Variants in CRK observed in about 807,000 individuals in gnomAD.
The protein encoded by CRK is adapter molecule crk.
In CRK, 4 loss-of-function variants were observed where a neutral mutation model predicts 29.8. The observed-to-expected ratio is 0.13, with a 90% CI of 0.07 to 0.31. The LOEUF is 0.31. Among genes scored for constraint, CRK ranks in the 10% least tolerant of loss-of-function variants. The pLI, the probability that CRK is intolerant of heterozygous loss-of-function variation, is 1.00. For missense variants in CRK, 274 were observed against 396.5 expected (o/e 0.69, Z 2.62); for synonymous variants, 153 against 164.9 (o/e 0.93, Z 0.55).
intron 1 of CRK, among the ~76,000 whole-genome samples, chr17:1,450,023 A>AC (rs1311526387): frequency 3.3e-5 from 5 of 151,644 alleles, no homozygotes; most frequent in African/African-American, 1.2e-4. Flanking sequence ...ACATGGTGAA[A>AC]CCCCCATCTC....
At chr17:1,447,631 C>T (rs1465587908) in intron 1 of CRK, among the ~76,000 whole-genome samples, 1 of 122,714 alleles carries the variant, frequency 8.1e-6, no homozygotes, top group South Asian at 2.7e-4. Context: ...TTTTTTGAGA[C>T]GGAGTCTCCC....
At chr17:1,447,258 G>A (rs1041652188) in intron 1 of CRK, among the ~76,000 whole-genome samples, 1 of 152,154 alleles carries the variant, frequency 6.6e-6, no homozygotes, top group African/African-American at 2.4e-5. Flanking sequence ...CAGAAGCAAC[G>A]ACAGGATTCT....
chr17:1,446,362 C>G (rs907176155), intron 1 of CRK, among the ~76,000 whole-genome samples: 1 of 152,132 alleles, frequency 6.6e-6, no homozygotes, highest in African/African-American at 2.4e-5. Context: ...CCAAGGTACT[C>G]TCTCCACTGG....
chr17:1,425,700 C>T (rs138955328), intron 2 of CRK, among the ~76,000 whole-genome samples: 18 of 152,336 alleles, frequency 1.2e-4, no homozygotes, highest in African/African-American at 3.6e-4. Context: ...TAAGTCCAGC[C>T]GCAGGGCCTC....
Position 1,453,566 on chromosome 17 carries a change from T to C in CRK, c.241+2311A>G, listed in dbSNP as rs2074034597. Among the ~76,000 whole-genome samples, 3 of 152,178 alleles carry C rather than the reference T, an allele frequency of 2.0e-5. No homozygotes were observed. In the South Asian group the frequency reaches 6.2e-4, roughly 31 times the overall value. Reference sequence around the variant, plus strand: ...ATTAAACAGGCCACAATGAGAAAGATCTAGGATAATTTGTGAGCTTATAGA... The same window carrying C: ...ATTAAACAGGCCACAATGAGAAAGACCTAGGATAATTTGTGAGCTTATAGA... On this transcript the variant is annotated intron_variant, in intron 1 of 2. Coordinates refer to ENST00000300574, the MANE Select transcript of CRK (RefSeq NM_016823.4).
chr17:1,438,164 G>C (rs553706993), intron 1 of CRK, among the ~76,000 whole-genome samples: 6 of 152,048 alleles, frequency 3.9e-5, no homozygotes, highest in Non-Finnish European at 7.4e-5. Flanking sequence ...GAGTCTCGCT[G>C]TGTCGCTCAA....
intron 1 of CRK, among the ~76,000 whole-genome samples, chr17:1,450,485 G>A (rs1598305693): frequency 1.3e-5 from 2 of 150,008 alleles, no homozygotes; most frequent in Non-Finnish European, 3.0e-5. Flanking sequence ...CCGGCCCGGC[G>A]TGGGCGACAG....
At chr17:1,441,067 C>G (rs1349424165) in intron 1 of CRK, among the ~76,000 whole-genome samples, 1 of 152,198 alleles carries the variant, frequency 6.6e-6, no homozygotes, top group Non-Finnish European at 1.5e-5. Flanking sequence ...TCCTGAGTAG[C>G]TGGGCCTACA....
Position 1,423,304 on chromosome 17 carries a change from G to C in CRK, c.*209C>G. The C allele has an allele frequency of 1.6e-6, 1 of 636,204 alleles. No homozygotes were observed. The highest frequency in any genetic ancestry group is 2.6e-6 in the Non-Finnish European group (1 of 382,406). The allele number at this position is 636,204 out of a possible 1,614,324, so 39.4% of individuals were successfully genotyped here. A position where few individuals can be genotyped will look rare whatever the true frequency, so the allele number is the denominator to read the frequency against. ...ACTACCGCCTCCAATTGCCAATTCA[G>C]AAGCTAACACACAAGCCCTCCAGTT... is the stretch of plus-strand genomic sequence containing the variant. On this transcript the variant is annotated 3_prime_UTR_variant, in exon 3 of 3. Transcript: ENST00000300574.
chr17:1,423,814 G>A (rs564719867), intron 2 of CRK, among the ~76,000 whole-genome samples, 164 bp from the exon 3 acceptor site: 2 of 152,314 alleles, frequency 1.3e-5, no homozygotes, highest in South Asian at 4.1e-4. Context: ...CTGATTACTT[G>A]TGGTTAATGC....
intron 2 of CRK, among the ~76,000 whole-genome samples, chr17:1,430,419 C>CCT (rs2073829444): frequency 6.6e-6 from 1 of 150,908 alleles, no homozygotes; most frequent in Non-Finnish European, 1.5e-5. Context: ...TGCAGTGGCG[C>CCT]GATCTTGGCT....
rs2074052628 is a variant in CRK, at chr17:1,455,882, G to A, written c.236C>T (p.Pro79Leu). The A allele has an allele frequency of 6.3e-7, 1 of 1,583,570 alleles. No individual in the cohort carries two copies. Among genetic ancestry groups the A allele is most frequent in the East Asian group, 2.4e-5 (1 of 41,592 alleles). The change falls in exon 1 of 3, where the codon CCG becomes CTG. Residue 79 changes from proline to leucine, a missense_variant. Physicochemically the swap from Pro to Leu is moderately conservative, Grantham distance 98 (BLOSUM62 -3). Transcript: ENST00000300574. ...CCGTCCCGTCAGTCCCTCACCGGGCGGAGGCTGGGCGGGCGACGGTGGCAC... is the reference window on the plus strand; with the variant it reads ...CCGTCCCGTCAGTCCCTCACCGGGCAGAGGCTGGGCGGGCGACGGTGGCAC... ...PPVPPSPAQP[P>L]PGVSPSRLRI...
chr17:1,447,826 A>T (rs2073986871), intron 1 of CRK, among the ~76,000 whole-genome samples: 2 of 151,850 alleles, frequency 1.3e-5, no homozygotes, highest in African/African-American at 2.4e-5. Flanking sequence ...CATGTTGGCC[A>T]GGCTGGTCTC....
rs1320865025 is a variant in CRK at position 1,422,879 on chromosome 17, T to C, written c.*634A>G. On this transcript the variant is annotated 3_prime_UTR_variant, in exon 3 of 3. Coordinates refer to ENST00000300574, the MANE Select transcript of CRK (RefSeq NM_016823.4). Reference sequence around the variant, plus strand: ...TACACACTTATCTTAGGAATTCACCTACTTACAGGTTTGGGGGACAAGAAT... The same window carrying C: ...TACACACTTATCTTAGGAATTCACCCACTTACAGGTTTGGGGGACAAGAAT... The C allele has an allele frequency of 5.0e-6, 2 of 398,702 alleles. No homozygotes were observed. Among genetic ancestry groups the C allele is most frequent in the Admixed American group, 4.4e-5 (1 of 22,688 alleles). The allele number at this position is 398,702 out of a possible 1,614,324, so 24.7% of individuals were successfully genotyped here. A position where few individuals can be genotyped will look rare whatever the true frequency, so the allele number is the denominator to read the frequency against.
rs572628387 is a variant in CRK at position 1,434,165 on chromosome 17, G to T, written c.777+2455C>A. Among the ~76,000 whole-genome samples, 4 of 152,220 alleles carry T rather than the reference G, an allele frequency of 2.6e-5. No individual in the cohort carries two copies. In the East Asian group the frequency reaches 5.8e-4, roughly 22 times the overall value. ...TGCAGACCCCTGATCTAAGTAACAG[G>T]TAGTGTATCTAGGGCCCATCGACAG... On this transcript the variant is annotated intron_variant, in intron 2 of 2. Coordinates refer to ENST00000300574, the MANE Select transcript of CRK (RefSeq NM_016823.4).
intron 1 of CRK, among the ~76,000 whole-genome samples, chr17:1,452,936 T>C (rs1001372935): frequency 1.3e-5 from 2 of 151,958 alleles, no homozygotes; most frequent in African/African-American, 2.4e-5. Context: ...AGACCCCTCA[T>C]CTCTACAAAA....
At chr17:1,440,293 T>A (rs1433320115) in intron 1 of CRK, among the ~76,000 whole-genome samples, 1 of 146,598 alleles carries the variant, frequency 6.8e-6, no homozygotes, top group Non-Finnish European at 1.5e-5. Context: ...AGCGGGACTC[T>A]GTCTCAAAAA....
In CRK at chr17:1,423,438, A is replaced by C; in HGVS notation, c.*75T>G. 1 of 1,538,302 alleles carries C rather than the reference A, an allele frequency of 6.5e-7. No homozygotes were observed. Among genetic ancestry groups the C allele is most frequent in the Non-Finnish European group, 8.8e-7 (1 of 1,139,768 alleles). ...CTAGACTGCTTTTGACATCTGTAAGAAAATTGTATAGATGGCAGTTGGAAA... is the reference window on the plus strand; with the variant it reads ...CTAGACTGCTTTTGACATCTGTAAGCAAATTGTATAGATGGCAGTTGGAAA... On this transcript the variant is annotated 3_prime_UTR_variant, in exon 3 of 3. Transcript: ENST00000300574.
At chr17:1,434,792 CAA>C (rs376877954) in intron 2 of CRK, among the ~76,000 whole-genome samples, 6 of 124,730 alleles carry the variant, frequency 4.8e-5, no homozygotes, top group Middle Eastern at 4.2e-3. Context: ...CAAAAAGAAC[CAA>C]AAAAAAAAAA....
Sources: allele counts gnomAD v4.1 joint callset (sites outside exome capture counted in the v4.1 genomes callset), GRCh38; gene constraint gnomAD v4.1.1; transcripts MANE v1.5; gene names NCBI Gene and HGNC (gene_info 2026-07-23, HGNC 2026-07-21).